CDH4: variants seen among roughly 807,000 people sequenced by gnomAD.
CDH4 encodes the protein cadherin 4.
A neutral mutation model predicts 86.0 loss-of-function variants in CDH4; 33 were observed. The observed-to-expected ratio is 0.38, with a 90% CI of 0.29 to 0.51. CDH4 has a LOEUF of 0.51. CDH4 is among the 20% of genes least tolerant of loss of function. The pLI, the probability that CDH4 is intolerant of heterozygous loss-of-function variation, is 0.86. For synonymous variants in CDH4, 555 were observed against 549.4 expected (o/e 1.01, Z -0.14); for missense variants, 1,114 against 1,307.4 (o/e 0.85, Z 2.28).
intron 2 of CDH4, among the ~76,000 whole-genome samples, chr20:61,298,998 G>A (rs918243909): frequency 1.3e-5 from 2 of 152,136 alleles, no homozygotes; most frequent in Non-Finnish European, 2.9e-5. Flanking sequence ...AGCATTATGG[G>A]TTGAATTGAA....
intron 2 of CDH4, among the ~76,000 whole-genome samples, chr20:61,600,487 C>T (rs1264088540): frequency 6.6e-6 from 1 of 152,200 alleles, no homozygotes; most frequent in African/African-American, 2.4e-5. Context: ...CAACGGGAGC[C>T]ATAGTGGTGC....
chr20:61,421,916 C>T (rs540356830), intron 2 of CDH4, among the ~76,000 whole-genome samples: 12 of 152,266 alleles, frequency 7.9e-5, no homozygotes, highest in East Asian at 1.9e-4. Flanking sequence ...GCAAGGAAAC[C>T]GCAGCCTGGA....
At chr20:61,574,657 C>A (rs1423384028) in intron 2 of CDH4, among the ~76,000 whole-genome samples, 1 of 152,182 alleles carries the variant, frequency 6.6e-6, no homozygotes, top group Admixed American at 6.5e-5. Context: ...GGTGCCACCT[C>A]CCCACAAAGC....
Position 61,684,892 on chromosome 20 carries a change from A to G in CDH4, c.170-58671A>G, listed in dbSNP as rs1369346467. On this transcript the variant is annotated intron_variant, in intron 2 of 15. Coordinates refer to ENST00000614565, the MANE Select transcript of CDH4 (RefSeq NM_001794.5). The surrounding 1 kb of genome is among the most constrained non-coding windows in gnomAD (Gnocchi z 4.5). Reference sequence around the variant, plus strand: ...TGCTCACTCTATTTCTAACCACGTTATTAAGATATAAAAACTTACCGTGAA... The same window carrying G: ...TGCTCACTCTATTTCTAACCACGTTGTTAAGATATAAAAACTTACCGTGAA... 6.6e-6 allele frequency among the ~76,000 whole-genome samples: 1 copy of G among 152,050 alleles called. No homozygotes were observed. The highest frequency in any genetic ancestry group is 2.4e-5 in the African/African-American group (1 of 41,312).
intron 2 of CDH4, among the ~76,000 whole-genome samples, chr20:61,364,204 G>A (rs750939504): frequency 3.2e-4 from 48 of 152,218 alleles, no homozygotes; most frequent in Admixed American, 2.0e-4. Flanking sequence ...TGAGGATTTA[G>A]GAGGGTTTTC....
intron 2 of CDH4, among the ~76,000 whole-genome samples, chr20:61,671,264 G>A (rs1320541319): frequency 3.3e-5 from 5 of 152,220 alleles, no homozygotes; most frequent in Admixed American, 3.3e-4. Context: ...GGCCAAGGCA[G>A]GAGGATGGCT....
At chr20:61,771,603 C>T (rs2088776550) in intron 3 of CDH4, among the ~76,000 whole-genome samples, 1 of 131,138 alleles carries the variant, frequency 7.6e-6, no homozygotes, top group African/African-American at 2.9e-5. Flanking sequence ...GCCTGGATGA[C>T]ACAGTGAGAC....
intron 2 of CDH4, among the ~76,000 whole-genome samples, chr20:61,712,933 G>C (rs933917888): frequency 1.3e-5 from 2 of 152,136 alleles, no homozygotes; most frequent in Non-Finnish European, 2.9e-5. Context: ...ATGTTAATGT[G>C]CTAATAGAGA....
At chr20:61,539,384 C>T (rs1331521309) in intron 2 of CDH4, among the ~76,000 whole-genome samples, 1 of 152,186 alleles carries the variant, frequency 6.6e-6, no homozygotes, top group African/African-American at 2.4e-5. Context: ...AAACCCAAGA[C>T]TAAGGTGTGG....
chr20:61,295,602 C>T (rs1380082899), intron 2 of CDH4, among the ~76,000 whole-genome samples: 1 of 152,056 alleles, frequency 6.6e-6, no homozygotes, highest in African/African-American at 2.4e-5. Flanking sequence ...GCGAGTGGCC[C>T]TGGGCGTCAT....
At chr20:61,535,810 G>A (rs1047018618) in intron 2 of CDH4, among the ~76,000 whole-genome samples, 3 of 152,142 alleles carry the variant, frequency 2.0e-5, no homozygotes, top group Non-Finnish European at 2.9e-5. Context: ...AGAGTGTGGG[G>A]GCCCTTCAGT....
intron 2 of CDH4, among the ~76,000 whole-genome samples, chr20:61,420,076 G>T (rs756331762): frequency 6.6e-6 from 1 of 152,226 alleles, no homozygotes; most frequent in Non-Finnish European, 1.5e-5. Context: ...ACCCCCTGAT[G>T]ATGCCAGGCC....
In CDH4 at chr20:61,829,519, G is replaced by A. The variant is rs998116793; in HGVS notation, c.577-15149G>A. On this transcript the variant is annotated intron_variant, in intron 4 of 15. Transcript: ENST00000614565. The surrounding 1 kb of genome is among the most constrained non-coding windows in gnomAD (Gnocchi z 4.2). The stretch of plus-strand genomic sequence containing the variant: ...TCTTAGGGTGTCTGCCCAGCAGTGG[G>A]ATTGCTGGGTCACGCATGCAGCAGC... Among the ~76,000 whole-genome samples the A allele has an allele frequency of 6.6e-6, 1 of 152,216 alleles. No individual in the cohort carries two copies. The highest frequency in any genetic ancestry group is 1.5e-5 in the Non-Finnish European group (1 of 68,044).
In CDH4 at chr20:61,619,276, G is replaced by A. The variant is rs140642427; in HGVS notation, c.170-124287G>A. 3.9e-5 allele frequency among the ~76,000 whole-genome samples: 6 copies of A among 152,198 alleles called. No individual in the cohort carries two copies. The East Asian group carries it at 7.7e-4, about 20-fold the overall frequency. ...CCAGCCCCAGCTGCCATTCCCTCCCGCCTCTCTTCCACCTCCGCGTGCCCC... is the reference window on the plus strand; with the variant it reads ...CCAGCCCCAGCTGCCATTCCCTCCCACCTCTCTTCCACCTCCGCGTGCCCC... On this transcript the variant is annotated intron_variant, in intron 2 of 15. Coordinates refer to ENST00000614565, the MANE Select transcript of CDH4 (RefSeq NM_001794.5).
intron 2 of CDH4, among the ~76,000 whole-genome samples, chr20:61,395,841 C>T (rs1346476094): frequency 6.6e-6 from 1 of 152,240 alleles, no homozygotes; most frequent in East Asian, 1.9e-4. Flanking sequence ...GCTTTGCTAT[C>T]GGGGTATTAT....
intron 2 of CDH4, among the ~76,000 whole-genome samples, chr20:61,565,287 T>A (rs138543449): frequency 0.12 from 2,016 of 16,960 alleles, 332 homozygotes; most frequent in African/African-American, 0.28. Flanking sequence ...GGTGATGGGG[T>A]GATGGTGGTG....
chr20:61,598,919 C>T (rs541929476), intron 2 of CDH4, among the ~76,000 whole-genome samples: 10 of 152,350 alleles, frequency 6.6e-5, no homozygotes, highest in Admixed American at 4.6e-4. Flanking sequence ...GGCGTCTCTG[C>T]GGTCAGTGAG....
intron 2 of CDH4, among the ~76,000 whole-genome samples, chr20:61,459,067 C>G (rs1474159711): frequency 6.6e-6 from 1 of 151,788 alleles, no homozygotes; most frequent in African/African-American, 2.4e-5. Flanking sequence ...TGGCTGTCTC[C>G]TTTTTTAGTC....
At chr20:61,288,390 T>C (rs1309305540) in intron 2 of CDH4, among the ~76,000 whole-genome samples, 1 of 152,136 alleles carries the variant, frequency 6.6e-6, no homozygotes, top group Non-Finnish European at 1.5e-5. Flanking sequence ...GCGGTGGCCA[T>C]TGGTTGCTGG....
Sources: allele counts gnomAD v4.1 joint callset (sites outside exome capture counted in the v4.1 genomes callset), GRCh38; gene constraint gnomAD v4.1.1; non-coding constraint Gnocchi (gnomAD v3.1); transcripts MANE v1.5; gene names NCBI Gene and HGNC (gene_info 2026-07-23, HGNC 2026-07-21).